ANK2: variants seen among roughly 807,000 people sequenced by gnomAD.
ANK2 encodes the protein ankyrin-2.
A neutral mutation model predicts 360.5 loss-of-function variants in ANK2; 83 were observed. The observed-to-expected ratio is 0.23, with a 90% CI of 0.19 to 0.28. ANK2 has a LOEUF of 0.28. Ranked by LOEUF, ANK2 falls within the 10% of genes least tolerant of loss-of-function variation. The probability of loss-of-function intolerance (pLI) is 1.00; values close to 1 mark genes in which losing one functional copy is unlikely to be tolerated. For missense variants in ANK2, 4,201 were observed against 4,795.7 expected (o/e 0.88, Z 3.66); for synonymous variants, 1,740 against 1,759.5 (o/e 0.99, Z 0.28).
the ANK2 span, among the ~76,000 whole-genome samples, chr4:112,729,490 T>C: frequency 2.0e-5 from 3 of 152,110 alleles, no homozygotes; most frequent in Admixed American, 6.6e-5. Context: ...ACACGATAGC[T>C]AAGGCCTATA....
intron 2 of ANK2, among the ~76,000 whole-genome samples, chr4:113,003,418 TAATG>T (rs2051535828): frequency 6.6e-6 from 1 of 151,944 alleles, no homozygotes; most frequent in African/African-American, 2.4e-5. Context: ...TGAAAAAAAA[TAATG>T]AATCAAAAAT....
intron 2 of ANK2, among the ~76,000 whole-genome samples, chr4:113,029,268 C>G (rs779934868): frequency 1.3e-5 from 2 of 152,000 alleles, no homozygotes; most frequent in Non-Finnish European, 2.9e-5. Context: ...AAACAGGGCA[C>G]TCTGTCATCC....
Position 113,355,613 on chromosome 4 carries a change from G to T in ANK2, c.6995G>T (p.Ser2332Ile). The change falls in exon 38 of 46, where the codon AGT (serine) becomes ATT (isoleucine). Residue 2332 changes from serine to isoleucine, a missense_variant. Ser to Ile is a moderately radical substitution (Grantham distance 142, BLOSUM62 -2). Around this residue, in one of 4 missense-constraint regions of ANK2, gnomAD observed 2,642 missense variants for 2,714.5 expected, o/e 0.97. Transcript: ENST00000357077. ...CAAGATGATTGCACAGGCAGCTGTA[G>T]TGTAGCATTAGCTAAAGAGACACCT... ...KRQDDCTGSC[S>I]VALAKETPTG... The T allele has an allele frequency of 6.2e-7, 1 of 1,614,094 alleles. No individual in the cohort carries two copies. Among genetic ancestry groups the T allele is most frequent in the Non-Finnish European group, 8.5e-7 (1 of 1,179,982 alleles).
rs1282306612 is a variant in ANK2, at chr4:113,151,165, G to A, written c.85-23251G>A. 8.7e-6 allele frequency: 11 copies of A among 1,268,418 alleles called. No individual in the cohort carries two copies. In the East Asian group the frequency reaches 3.9e-4, roughly 45 times the overall value. 78.6% of individuals were successfully genotyped at this position (1,268,418 alleles called of 1,614,324 possible). On this transcript the variant is annotated intron_variant, in intron 1 of 45. Transcript: ENST00000357077. ...AAACACTTCTAAAAACAGTAAAGACGTTGGTAACTAAGAAGTTTTAATTAT... is the reference window on the plus strand; with the variant it reads ...AAACACTTCTAAAAACAGTAAAGACATTGGTAACTAAGAAGTTTTAATTAT...
Position 113,354,726 on chromosome 4 carries a change from A to G in ANK2, c.6108A>G (p.Ile2036Met), listed in dbSNP as rs746846425. The change falls in exon 38 of 46, where the codon ATA becomes ATG. Residue 2036 changes from isoleucine (I) to methionine (M), a missense_variant. Physicochemically the swap from Ile to Met is conservative, Grantham distance 10. Coordinates refer to ENST00000357077, the MANE Select transcript of ANK2 (RefSeq NM_001148.6). ...GGGTAGAAAAAGAAAAGGGGCCGAT[A>G]CTAACCCAGAGAGAAGCTCAGAAAA... ...KVRVEKEKGP[I>M]LTQREAQKTE... 1 of 1,613,778 alleles carries G rather than the reference A, an allele frequency of 6.2e-7. No homozygotes were observed. The highest frequency in any genetic ancestry group is 1.1e-5 in the South Asian group (1 of 91,054).
chr4:113,213,637 A>G (rs566941634), intron 4 of ANK2, among the ~76,000 whole-genome samples: 2 of 152,376 alleles, frequency 1.3e-5, no homozygotes, highest in South Asian at 2.1e-4. Flanking sequence ...ATCTGCAAAT[A>G]TGCCCTCTGG....
chr4:113,345,358 G>A (rs576715284), intron 34 of ANK2, among the ~76,000 whole-genome samples: 1 of 152,154 alleles, frequency 6.6e-6, no homozygotes, highest in Non-Finnish European at 1.5e-5. Flanking sequence ...CTGGATAGAA[G>A]TAATGATTAT....
In ANK2 at chr4:113,293,168, A is replaced by G. The variant is rs2068758386; in HGVS notation, c.2377-272A>G. On this transcript the variant is annotated intron_variant, in intron 21 of 45. Transcript: ENST00000357077. ...GTGCAATACAGTATTTGTAGAAGATATTTGACAACCTTAGGGTTAAAGCGT... is the reference window on the plus strand; with the variant it reads ...GTGCAATACAGTATTTGTAGAAGATGTTTGACAACCTTAGGGTTAAAGCGT... 1.2e-5 allele frequency: 7 copies of G among 571,806 alleles called. No homozygotes were observed. The East Asian group carries it at 1.5e-4, about 12-fold the overall frequency. 35.4% of individuals were successfully genotyped at this position (571,806 alleles called of 1,614,324 possible).
intron 2 of ANK2, among the ~76,000 whole-genome samples, chr4:112,921,103 G>A (rs1388852559): frequency 4.0e-5 from 6 of 148,566 alleles, no homozygotes; most frequent in Admixed American, 2.7e-4. Flanking sequence ...CCAGGCTGGA[G>A]TGCAGTGGTG....
intron 2 of ANK2, among the ~76,000 whole-genome samples, chr4:113,031,731 A>C (rs1373118750): frequency 2.4e-4 from 37 of 152,140 alleles, no homozygotes; most frequent in Non-Finnish European, 4.4e-5. Flanking sequence ...GAAGCTTCTC[A>C]TTAAACAAGA....
intron 2 of ANK2, among the ~76,000 whole-genome samples, chr4:112,905,956 C>T (rs1176575228): frequency 6.6e-6 from 1 of 152,216 alleles, no homozygotes; most frequent in African/African-American, 2.4e-5. Flanking sequence ...GTCACTGCGC[C>T]TGGCCAGCTT....
chr4:113,278,706 T>C, intron 17 of ANK2, 148 bp downstream of exon 17: 1 of 782,758 alleles, frequency 1.3e-6, no homozygotes, highest in Non-Finnish European at 2.1e-6. Context: ...TTTTTTTCCC[T>C]TGTATTTCTG....
chr4:112,878,913 G>A (rs540624210), intron 1 of ANK2, among the ~76,000 whole-genome samples: 3 of 152,146 alleles, frequency 2.0e-5, no homozygotes, highest in Non-Finnish European at 4.4e-5. Context: ...GTGAGCCACT[G>A]CGCCCGGCCC....
At chr4:113,331,784 C>T (rs1179116862) in intron 27 of ANK2, among the ~76,000 whole-genome samples, 188 bp from the exon 28 acceptor site, 10 of 152,058 alleles carry the variant, frequency 6.6e-5, no homozygotes, top group Admixed American at 1.3e-4. Context: ...CTTGCACAGA[C>T]GCGCCTCCAT....
intron 1 of ANK2, among the ~76,000 whole-genome samples, chr4:113,083,104 T>C (rs1031544480): frequency 1.3e-5 from 2 of 152,130 alleles, no homozygotes; most frequent in Admixed American, 6.5e-5. Flanking sequence ...ATTATTATAC[T>C]TTAAGTTTTA....
At chr4:113,140,191 C>G (rs1431904528) in intron 1 of ANK2, among the ~76,000 whole-genome samples, 3 of 152,326 alleles carry the variant, frequency 2.0e-5, no homozygotes, top group Non-Finnish European at 2.9e-5. Context: ...TTTCTTTCCA[C>G]AGGTCAGTAA....
intron 1 of ANK2, among the ~76,000 whole-genome samples, chr4:112,869,404 A>G (rs995474574): frequency 6.6e-6 from 1 of 152,126 alleles, no homozygotes; most frequent in African/African-American, 2.4e-5. Context: ...CAGCCCCGCA[A>G]GTTGCTGGGA....
chr4:113,258,089 C>G lies in ANK2; in HGVS notation c.1228C>G (p.Arg410Gly), dbSNP rs41279311. 6.2e-7 allele frequency: 1 copy of G among 1,614,102 alleles called. No homozygotes were observed. The highest frequency in any genetic ancestry group is 1.3e-5 in the African/African-American group (1 of 75,020). Residue 410 changes from arginine (R) to glycine (G), a missense_variant, in exon 12 of 46, where the codon CGC (arginine) becomes GGC (glycine). By Grantham distance (125) the Arg-to-Gly change is moderately radical. Coordinates refer to ENST00000357077, the MANE Select transcript of ANK2 (RefSeq NM_001148.6). Reference protein sequence around the residue: ...TPLHIACKKNRIKVMELLVKY... With the variant: ...TPLHIACKKNGIKVMELLVKY... ...ACTGCACATTGCCTGCAAGAAAAACCGCATCAAAGTCATGGAACTGCTGGT... is the reference window on the plus strand; with the variant it reads ...ACTGCACATTGCCTGCAAGAAAAACGGCATCAAAGTCATGGAACTGCTGGT...
chr4:112,963,167 G>A (rs914830084), intron 2 of ANK2, among the ~76,000 whole-genome samples: 2 of 152,096 alleles, frequency 1.3e-5, no homozygotes, highest in Non-Finnish European at 2.9e-5. Flanking sequence ...TTCTCTGAAA[G>A]CAATATGAGA....
Sources: allele counts gnomAD v4.1 joint callset (sites outside exome capture counted in the v4.1 genomes callset), GRCh38; gene constraint gnomAD v4.1.1; regional missense constraint gnomAD v4.1.1; transcripts MANE v1.5; gene names NCBI Gene and HGNC (gene_info 2026-07-23, HGNC 2026-07-21).